Variants in HSPG2 observed in about 807,000 individuals in gnomAD.
HSPG2 encodes the protein heparan sulfate proteoglycan 2.
In HSPG2, 278 loss-of-function variants were observed where a neutral mutation model predicts 526.6. That is an observed-to-expected ratio of 0.53 (90% CI 0.48 to 0.58). The LOEUF is 0.58. Ranked by LOEUF, HSPG2 falls within the 20% of genes least tolerant of loss-of-function variation. The pLI, the probability that HSPG2 is intolerant of heterozygous loss-of-function variation, is 0.00. For missense variants in HSPG2, 5,354 were observed against 6,099.5 expected (o/e 0.88, Z 4.07); for synonymous variants, 2,465 against 2,555.4 (o/e 0.96, Z 1.07).
rs554405017 is a variant in HSPG2 at position 21,852,013 on chromosome 1, A to G, written c.6870+75T>C. On this transcript the variant is annotated intron_variant, in intron 53 of 96. Coordinates refer to ENST00000374695, the MANE Select transcript of HSPG2 (RefSeq NM_005529.7). ...CTGTCCCCCCGATCTAGGAAGTGCC[A>G]GCCCCTCAGCCTAGGGGCCAGGATC... The G allele has an allele frequency of 1.9e-6, 3 of 1,610,994 alleles. No homozygotes were observed. The South Asian group carries it at 3.3e-5, about 18-fold the overall frequency.
rs1413406305 is a variant in HSPG2 at position 21,857,019 on chromosome 1, C to A, written c.5571G>T (p.Val1857=). ...AMDQGTATLH[V]QASGTLSAPV... is the part of the protein sequence containing the mutation. Reference sequence around the variant, plus strand: ...AGGTATAGATGGGAGGTGTACCCTGCACATGTAGAGTGGCTGTGCCCTGGT... The same window carrying A: ...AGGTATAGATGGGAGGTGTACCCTGAACATGTAGAGTGGCTGTGCCCTGGT... Residue 1857 remains valine, a synonymous_variant, in exon 44 of 97, where the codon GTG becomes GTT. Coordinates refer to ENST00000374695, the MANE Select transcript of HSPG2 (RefSeq NM_005529.7). 4 of 1,613,986 alleles carry A rather than the reference C, an allele frequency of 2.5e-6. No individual in the cohort carries two copies. The highest frequency in any genetic ancestry group is 3.4e-6 in the Non-Finnish European group (4 of 1,179,986).
chr1:21,844,278 A>G lies in HSPG2; in HGVS notation c.8486T>C (p.Ile2829Thr), dbSNP rs1254044127. The change falls in exon 65 of 97, where the codon ATC (isoleucine) becomes ACC (threonine). Residue 2829 changes from isoleucine (I) to threonine (T), a missense_variant. Ile to Thr is a moderately conservative substitution (Grantham distance 89, BLOSUM62 -1). Coordinates refer to ENST00000374695, the MANE Select transcript of HSPG2 (RefSeq NM_005529.7). The part of the protein sequence containing the change: ...HVPAPGGAPP[I>T]RIEPSSSRVA... ...TCGGGAGGAGGAGGGCTCGATGCGG[A>G]TGGGTGGGGCTCCACCTGGGGCTGG... 3 of 1,613,144 alleles carry G rather than the reference A, an allele frequency of 1.9e-6. No individual in the cohort carries two copies. In the African/African-American group the frequency reaches 4.0e-5, roughly 22 times the overall value.
chr1:21,857,952 GCTT>G (rs1486217110), intron 42 of HSPG2, among the ~76,000 whole-genome samples: 1 of 152,130 alleles, frequency 6.6e-6, no homozygotes, highest in African/African-American at 2.4e-5. Context: ...CCTCCCCGGG[GCTT>G]CTTCTGCTCT....
At chr1:21,861,893 T>C (rs1016429184) in intron 38 of HSPG2, 50 bp from the exon 39 acceptor site, 40 of 1,613,264 alleles carry the variant, frequency 2.5e-5, no homozygotes, top group Non-Finnish European at 3.2e-5. Flanking sequence ...AATCTCCATC[T>C]TGCTCCCTTC....
chr1:21,867,268 T>G (rs967785908), intron 33 of HSPG2, among the ~76,000 whole-genome samples: 1 of 152,104 alleles, frequency 6.6e-6, no homozygotes, highest in African/African-American at 2.4e-5. Flanking sequence ...TTTATTTTTT[T>G]AGAGACAGCA....
chr1:21,872,054 TG>T lies in HSPG2; in HGVS notation c.4221+131del. 1 of 896,386 alleles carries T rather than the reference TG, an allele frequency of 1.1e-6. No homozygotes were observed. The highest frequency in any genetic ancestry group is 1.8e-6 in the Non-Finnish European group (1 of 559,078). 55.5% of individuals were successfully genotyped at this position (896,386 alleles called of 1,614,324 possible). On this transcript the variant is annotated intron_variant, in intron 33 of 96. Coordinates refer to ENST00000374695, the MANE Select transcript of HSPG2 (RefSeq NM_005529.7). The surrounding 1 kb of genome is among the most constrained non-coding windows in gnomAD (Gnocchi z 5.5). ...GAGCTGGGGTTCAGACCAATGTCTATGGGACTGCAAAAGCCACGTGCCTAAC... is the reference window on the plus strand; with the variant it reads ...GAGCTGGGGTTCAGACCAATGTCTATGGACTGCAAAAGCCACGTGCCTAAC...
chr1:21,927,574 T>A (rs1247754467), intron 1 of HSPG2, among the ~76,000 whole-genome samples: 1 of 152,066 alleles, frequency 6.6e-6, no homozygotes, highest in African/African-American at 2.4e-5. Flanking sequence ...ACGAACATCC[T>A]TTCTGCACCC....
intron 33 of HSPG2, among the ~76,000 whole-genome samples, chr1:21,867,286 A>C (rs1359523791): frequency 6.6e-6 from 1 of 151,716 alleles, no homozygotes. Flanking sequence ...GCATTTCGCT[A>C]TGTTGCTTAA....
chr1:21,907,963 A>G (rs984128279), intron 1 of HSPG2: 3 of 540,306 alleles, frequency 5.6e-6, no homozygotes, highest in Admixed American at 2.6e-5. Context: ...CATAGTAATA[A>G]TATCTATCTC....
chr1:21,927,541 C>G (rs76457022), intron 1 of HSPG2, among the ~76,000 whole-genome samples: 4 of 147,242 alleles, frequency 2.7e-5, no homozygotes, highest in Admixed American at 1.4e-4. Context: ...CCACCCCCCC[C>G]ACTGTCACTA....
chr1:21,834,946 C>T lies in HSPG2; in HGVS notation c.10454-1G>A, dbSNP rs766242702. 2.5e-6 allele frequency: 4 copies of T among 1,611,436 alleles called. No homozygotes were observed. Among genetic ancestry groups the T allele is most frequent in the Non-Finnish European group, 3.4e-6 (4 of 1,179,990 alleles). On this transcript the variant is annotated splice_acceptor_variant, in intron 76 of 96. Transcript: ENST00000374695. LOFTEE classifies it high-confidence loss of function. ...ATGTTGATGAGCACCGAGGGCAGGG[C>T]TGGGGAGGAGGGAGGCAGAGGTCCA...
At chr1:21,879,176 C>T in intron 17 of HSPG2, 55 bp from the exon 18 acceptor site, 2 of 1,608,304 alleles carry the variant, frequency 1.2e-6, no homozygotes, top group Non-Finnish European at 1.7e-6. Flanking sequence ...GGGCCAGATG[C>T]TGCGGGGGAC....
intron 33 of HSPG2, among the ~76,000 whole-genome samples, chr1:21,871,635 T>G (rs145429611): frequency 6.6e-6 from 1 of 152,084 alleles, no homozygotes; most frequent in Non-Finnish European, 1.5e-5. Context: ...GGGCTTTGGG[T>G]AAGTTACCAA....
At chr1:21,835,271 G>A (rs941450119) in intron 76 of HSPG2, 52 of 595,868 alleles carry the variant, frequency 8.7e-5, no homozygotes, top group African/African-American at 6.8e-4. Flanking sequence ...CTACAGGTGC[G>A]TTCCACCATG....
At chr1:21,852,268 T>C in intron 52 of HSPG2, 35 bp from the exon 53 acceptor site, 1 of 1,613,526 alleles carries the variant, frequency 6.2e-7, no homozygotes, top group Admixed American at 1.7e-5. Flanking sequence ...GAGTTGTAGA[T>C]GCTCCTGAGA....
At chr1:21,888,762 G>A (rs1161597758) in intron 6 of HSPG2, 6 of 1,316,722 alleles carry the variant, frequency 4.6e-6, no homozygotes, top group African/African-American at 3.0e-5. Flanking sequence ...CCTGGGAGCC[G>A]GGAGCTGAGG....
At chr1:21,915,787 C>T (rs1321575626) in intron 1 of HSPG2, among the ~76,000 whole-genome samples, 3 of 152,150 alleles carry the variant, frequency 2.0e-5, no homozygotes, top group Non-Finnish European at 4.4e-5. Flanking sequence ...TGGTGGCTCA[C>T]GCCTATAATC....
intron 64 of HSPG2, 136 bp downstream of exon 64, chr1:21,845,972 C>T (rs948220360): frequency 4.5e-5 from 48 of 1,078,634 alleles, no homozygotes; most frequent in Admixed American, 7.2e-5. Context: ...GTGTGGGTGG[C>T]GGGAGGTGAA....
At chr1:21,835,724 C>T in intron 75 of HSPG2, 87 bp from the exon 76 acceptor site, 8 of 986,076 alleles carry the variant, frequency 8.1e-6, no homozygotes, top group Non-Finnish European at 1.1e-5. Flanking sequence ...TGGCTCACGC[C>T]TGTAATCCCA....
Sources: gnomAD v4.1 joint callset for allele counts (sites outside exome capture counted in the v4.1 genomes callset) on GRCh38, gnomAD v4.1.1 for gene constraint, Gnocchi (gnomAD v3.1) non-coding constraint, MANE v1.5 for transcripts, NCBI Gene and HGNC (gene_info 2026-07-23, HGNC 2026-07-21) for gene names.